The following PAK6 variants were observed in gnomAD, a reference collection of about 807,000 sequenced individuals.
The protein encoded by PAK6 is serine/threonine-protein kinase PAK 6.
PAK6 carries 33 observed loss-of-function variants against 60.8 expected under a neutral mutation model. The observed-to-expected ratio is 0.54, with a 90% CI of 0.41 to 0.73. The LOEUF (loss-of-function observed/expected upper bound fraction) is 0.73. PAK6 is among the 30% of genes least tolerant of loss of function. The pLI is 0.00. For missense variants in PAK6, 845 were observed against 904.1 expected (o/e 0.93, Z 0.84); for synonymous variants, 404 against 378.5 (o/e 1.07, Z -0.78).
chr15:40,272,516 T>G, exon 6 of PAK6: 2 of 1,613,736 alleles, frequency 1.2e-6, no homozygotes, highest in South Asian at 2.2e-5. Context: ...GACACAGGTG[T>G]TGTGACACAT....
At chr15:40,250,782 T>C (rs2038645070) in intron 2 of PAK6, 1 of 152,392 alleles carries the variant, frequency 6.6e-6, no homozygotes, top group Non-Finnish European at 1.5e-5. Context: ...ACATATGCAT[T>C]CATGAATCAG....
intron 2 of PAK6, 42 bp from the exon 3 acceptor site, chr15:40,253,136 G>C (rs541638225): frequency 1.6e-5 from 7 of 446,820 alleles, no homozygotes; most frequent in South Asian, 1.1e-4. Flanking sequence ...GGGAACACTT[G>C]CTACATTTGC....
chr15:40,272,245 C>T lies in PAK6; in HGVS notation c.880C>T (p.Pro294Ser), dbSNP rs1252520074. ...GCAGCCCAACTCCTCTTTCCGACCG[C>T]CGCAGAAAGACAACCCCCCAAGCCT... The change falls in exon 6 of 11, where the codon CCG (proline) becomes TCG (serine). Residue 294 changes from proline (P) to serine (S), a missense_variant. Physicochemically the swap from Pro to Ser is moderately conservative, Grantham distance 74 (BLOSUM62 -1). Coordinates refer to ENST00000560346, the Ensembl canonical transcript of PAK6. 1.7e-5 allele frequency: 27 copies of T among 1,610,294 alleles called. No individual in the cohort carries two copies. The East Asian group carries it at 5.4e-4, about 32-fold the overall frequency.
chr15:40,246,395 G>C (rs907263457), intron 2 of PAK6: 1 of 152,264 alleles, frequency 6.6e-6, no homozygotes, highest in African/African-American at 2.4e-5. Flanking sequence ...AGCTAGACAA[G>C]AAGACTTTTT....
chr15:40,272,397 C>T (rs761783398), exon 6 of PAK6: 1 of 1,613,602 alleles, frequency 6.2e-7, no homozygotes, highest in East Asian at 2.2e-5. Context: ...AGCTTCCAGG[C>T]CGGTCTTCCC....
At chr15:40,273,408 A>G (rs780605365) in exon 8 of PAK6, 2 of 1,613,912 alleles carry the variant, frequency 1.2e-6, no homozygotes, top group Non-Finnish European at 1.7e-6. Context: ...GCCTACCTGC[A>G]TGCTCAGGGT....
intron 3 of PAK6, among the ~76,000 whole-genome samples, chr15:40,256,509 A>G (rs2038838372): frequency 6.6e-6 from 1 of 152,178 alleles, no homozygotes; most frequent in Non-Finnish European, 1.5e-5. Context: ...TGGTGATGGT[A>G]GTAGAGTGCT....
intron 5 of PAK6, among the ~76,000 whole-genome samples, chr15:40,270,071 G>A (rs969341467): frequency 1.3e-5 from 2 of 152,206 alleles, no homozygotes; most frequent in African/African-American, 4.8e-5. Flanking sequence ...GGTGCCTGGA[G>A]AGCATGTTTT....
chr15:40,252,996 C>T (rs1420034825), intron 2 of PAK6, 182 bp from the exon 3 acceptor site: 1 of 470,282 alleles, frequency 2.1e-6, no homozygotes, highest in African/African-American at 2.1e-5. Flanking sequence ...GGTGCTGCGC[C>T]CAACGTCCCC....
chr15:40,263,864 G>A (rs576597278), intron 3 of PAK6: 121 of 454,996 alleles, frequency 2.7e-4, no homozygotes, highest in African/African-American at 2.2e-3. Context: ...TGATCCACCC[G>A]CCTCGGCCTC....
At chr15:40,252,400 T>C (rs1299126566) in intron 2 of PAK6, 1 of 1,343,282 alleles carries the variant, frequency 7.4e-7, no homozygotes, top group Non-Finnish European at 9.8e-7. Context: ...GGGCGGGAAC[T>C]GGGGCCAAGC....
chr15:40,248,621 G>A (rs1159008773), intron 2 of PAK6, among the ~76,000 whole-genome samples: 1 of 152,310 alleles, frequency 6.6e-6, no homozygotes, highest in Middle Eastern at 3.4e-3. Flanking sequence ...TCCTAGCAGG[G>A]AACTCAGTGA....
chr15:40,266,481 C>T (rs2039141583), exon 5 of PAK6: 1 of 1,606,332 alleles, frequency 6.2e-7, no homozygotes, highest in Non-Finnish European at 8.5e-7. Context: ...GCCAGGCCCT[C>T]CACCACAGAG....
intron 2 of PAK6, among the ~76,000 whole-genome samples, chr15:40,243,962 G>A (rs1205619273): frequency 6.6e-6 from 1 of 152,208 alleles, no homozygotes; most frequent in Non-Finnish European, 1.5e-5. Context: ...CATACACTTG[G>A]TGATGTGGCA....
At chr15:40,276,760 G>GTGTGTGTA (rs1396615773) in exon 11 of PAK6, 1 of 92,736 alleles carries the variant, frequency 1.1e-5, no homozygotes, top group African/African-American at 4.0e-5. Context: ...GTGTGTGTGT[G>GTGTGTGTA]TGTGTGTGTG....
intron 3 of PAK6, among the ~76,000 whole-genome samples, chr15:40,254,217 C>T (rs1166452636): frequency 6.6e-6 from 1 of 152,182 alleles, no homozygotes; most frequent in East Asian, 1.9e-4. Context: ...CGAATGCCTT[C>T]CTCCTCATTA....
chr15:40,265,065 G>A (rs2140978961), intron 4 of PAK6, 76 bp downstream of exon 4: 2 of 1,356,306 alleles, frequency 1.5e-6, no homozygotes. Context: ...ACCTCAGAAA[G>A]GCCCCTGGAG....
At chr15:40,269,771 C>A (rs576417518) in intron 5 of PAK6, among the ~76,000 whole-genome samples, 117 of 152,316 alleles carry the variant, frequency 7.7e-4, no homozygotes, top group African/African-American at 2.7e-3. Flanking sequence ...CATCCCTCCC[C>A]CAGCCTCCAG....
exon 7 of PAK6, chr15:40,272,878 C>A (rs201655600): frequency 2.6e-5 from 42 of 1,613,782 alleles, no homozygotes; most frequent in African/African-American, 2.7e-5. Flanking sequence ...GGTGATCATG[C>A]GGGACTACCA....
Sources: gnomAD v4.1 joint callset for allele counts (sites outside exome capture counted in the v4.1 genomes callset) on GRCh38, gnomAD v4.1.1 for gene constraint, MANE v1.5 for transcripts, NCBI Gene and HGNC (gene_info 2026-07-23, HGNC 2026-07-21) for gene names.